NAALADL2: variants seen among roughly 807,000 people sequenced by gnomAD.
The protein encoded by NAALADL2 is inactive N-acetylated-alpha-linked acidic dipeptidase-like protein 2.
Under a neutral mutation model 87.2 loss-of-function variants are expected in NAALADL2, and 76 were observed. The observed-to-expected ratio is 0.87, with a 90% CI of 0.72 to 1.05. The LOEUF (loss-of-function observed/expected upper bound fraction) is 1.05. NAALADL2 is among the 50% of genes least tolerant of loss of function. NAALADL2 has a pLI of 0.00. For synonymous variants in NAALADL2, 354 were observed against 331.0 expected (o/e 1.07, Z -0.75); for missense variants, 1,089 against 945.8 (o/e 1.15, Z -1.99).
intron 2 of NAALADL2, among the ~76,000 whole-genome samples, chr3:174,706,131 T>TA (rs1485732688): frequency 6.6e-6 from 1 of 152,168 alleles, no homozygotes; most frequent in African/African-American, 2.4e-5. Context: ...AAAACAACAA[T>TA]AAAAATTTTG....
In NAALADL2 at chr3:174,775,886, A is replaced by C. The variant is rs188677380; in HGVS notation, c.-9+38140A>C. ...GACACGAAGTCTTTCCGTAAAGGGC[A>C]ATCTGAGTGTTATACGTAACAAATA... On this transcript the variant is annotated intron_variant, in intron 3 of 3. Coordinates refer to the NAALADL2 transcript ENST00000434257. Among the ~76,000 whole-genome samples the C allele has an allele frequency of 2.7e-4, 41 of 152,312 alleles. No homozygotes were observed. The East Asian group carries it at 7.7e-3, about 29-fold the overall frequency.
At chr3:174,600,334 A>G (rs1359588753) in intron 2 of NAALADL2, among the ~76,000 whole-genome samples, 2 of 152,070 alleles carry the variant, frequency 1.3e-5, no homozygotes, top group East Asian at 3.9e-4. Context: ...AAACAATTTT[A>G]TTTAGAGAGT....
At chr3:175,015,455 T>C (rs75187464) in intron 1 of NAALADL2, among the ~76,000 whole-genome samples, 339 of 152,192 alleles carry the variant, frequency 2.2e-3, no homozygotes, top group African/African-American at 6.7e-3. Context: ...ATGTCACGCT[T>C]TAGGACTGAC....
chr3:174,982,492 A>G (rs1331944913), intron 1 of NAALADL2, among the ~76,000 whole-genome samples: 1 of 152,196 alleles, frequency 6.6e-6, no homozygotes, highest in East Asian at 1.9e-4. Context: ...TTCCATAAAA[A>G]TATTCATCTA....
intron 2 of NAALADL2, among the ~76,000 whole-genome samples, chr3:174,727,844 C>T (rs993126920): frequency 1.3e-5 from 2 of 152,114 alleles, no homozygotes; most frequent in Non-Finnish European, 2.9e-5. Flanking sequence ...AATAGTTTCA[C>T]TGTCCTAAAA....
chr3:175,233,124 T>C (rs1745231362), intron 2 of NAALADL2, among the ~76,000 whole-genome samples: 1 of 152,238 alleles, frequency 6.6e-6, no homozygotes, highest in South Asian at 2.1e-4. Context: ...TGTTTTTGTT[T>C]CGGTTTTATT....
intron 5 of NAALADL2, among the ~76,000 whole-genome samples, chr3:175,329,463 G>C (rs1652775901): frequency 6.6e-6 from 1 of 152,102 alleles, no homozygotes; most frequent in South Asian, 2.1e-4. Flanking sequence ...GGTATTCCTG[G>C]TCCAGTTACT....
chr3:175,562,953 G>GGTGTGTGTGTGTGT (rs71164639), intron 9 of NAALADL2, among the ~76,000 whole-genome samples: 1 of 149,832 alleles, frequency 6.7e-6, no homozygotes, highest in South Asian at 2.1e-4. Context: ...ATATAGGAGG[G>GGTGTGTGTGTGTGT]GTGTGTGTGT....
intron 2 of NAALADL2, among the ~76,000 whole-genome samples, chr3:174,628,304 C>T (rs929884336): frequency 1.3e-5 from 2 of 151,596 alleles, no homozygotes; most frequent in Non-Finnish European, 2.9e-5. Context: ...GGTGAAATCC[C>T]GTCTCTATTA....
chr3:174,448,037 T>C (rs1379442472), intron 1 of NAALADL2, among the ~76,000 whole-genome samples: 1 of 152,182 alleles, frequency 6.6e-6, no homozygotes, highest in Admixed American at 6.5e-5. Flanking sequence ...ACTGATCTTT[T>C]AGATTTGTGG....
intron 1 of NAALADL2, among the ~76,000 whole-genome samples, chr3:175,069,521 G>A (rs1291530908): frequency 1.3e-5 from 2 of 150,070 alleles, no homozygotes; most frequent in African/African-American, 2.5e-5. Context: ...AACAGGTGCT[G>A]GAGAGGATGT....
intron 3 of NAALADL2, among the ~76,000 whole-genome samples, chr3:174,793,889 G>A (rs953574051): frequency 6.6e-6 from 1 of 151,506 alleles, no homozygotes; most frequent in African/African-American, 2.4e-5. Context: ...ATTTCAATTA[G>A]GCAGGTTAGA....
chr3:174,976,578 C>T (rs1744388679), intron 1 of NAALADL2, among the ~76,000 whole-genome samples: 1 of 152,148 alleles, frequency 6.6e-6, no homozygotes, highest in Non-Finnish European at 1.5e-5. Context: ...GATACTAATA[C>T]AATCAAGCCT....
At chr3:175,626,839 G>C (rs1032761358) in intron 10 of NAALADL2, among the ~76,000 whole-genome samples, 5 of 151,698 alleles carry the variant, frequency 3.3e-5, no homozygotes, top group Non-Finnish European at 3.0e-5. Flanking sequence ...CTAAGTCTAC[G>C]TGTGTTTCAC....
chr3:174,894,778 C>T (rs912440794), intron 1 of NAALADL2, among the ~76,000 whole-genome samples: 6 of 151,724 alleles, frequency 4.0e-5, no homozygotes, highest in African/African-American at 1.5e-4. Flanking sequence ...AAAAACAGAC[C>T]ATGTTTTAGA....
chr3:175,469,037 C>T (rs1724506140), intron 8 of NAALADL2, among the ~76,000 whole-genome samples: 1 of 151,960 alleles, frequency 6.6e-6, no homozygotes, highest in South Asian at 2.1e-4. Flanking sequence ...CTATTCAAAA[C>T]AATTAAGTAC....
chr3:174,900,108 C>T (rs1326386603), intron 1 of NAALADL2, among the ~76,000 whole-genome samples: 1 of 151,600 alleles, frequency 6.6e-6, no homozygotes, highest in African/African-American at 2.4e-5. Context: ...AGGAGAGAAC[C>T]AGTTCTACGA....
At chr3:174,460,100 G>A (rs374490955) in intron 1 of NAALADL2, among the ~76,000 whole-genome samples, 1 of 152,038 alleles carries the variant, frequency 6.6e-6, no homozygotes, top group East Asian at 1.9e-4. Context: ...CATGGCATCT[G>A]GAATTAAACA....
At chr3:174,716,415 G>T (rs1013584382) in intron 2 of NAALADL2, among the ~76,000 whole-genome samples, 2 of 140,696 alleles carry the variant, frequency 1.4e-5, no homozygotes, top group Non-Finnish European at 3.1e-5. Flanking sequence ...TGTATACAGG[G>T]TTCCAAATAT....
Sources: allele counts gnomAD v4.1 joint callset (sites outside exome capture counted in the v4.1 genomes callset), GRCh38; gene constraint gnomAD v4.1.1; transcripts MANE v1.5; gene names NCBI Gene and HGNC (gene_info 2026-07-23, HGNC 2026-07-21).